The following ADAMTSL1 variants were observed in gnomAD, a reference collection of about 807,000 sequenced individuals.
The protein encoded by ADAMTSL1 is ADAMTS-like protein 1.
In ADAMTSL1, 126 loss-of-function variants were observed where a neutral mutation model predicts 201.8. The observed-to-expected ratio is 0.62, with a 90% CI of 0.54 to 0.72. ADAMTSL1 has a LOEUF of 0.72. Ranked by LOEUF, ADAMTSL1 falls within the 30% of genes least tolerant of loss-of-function variation. ADAMTSL1 has a pLI of 0.00. For synonymous variants in ADAMTSL1, 1,121 were observed against 903.4 expected, an observed-to-expected ratio of 1.24 and a Z score of -4.32; for missense variants, 2,679 against 2,277.8, an observed-to-expected ratio of 1.18 and a Z score of -3.59.
At chr9:17,935,608 G>T (rs1047222457) in intron 1 of ADAMTSL1, among the ~76,000 whole-genome samples, 3 of 152,070 alleles carry the variant, frequency 2.0e-5, no homozygotes, top group Admixed American at 2.0e-4. Flanking sequence ...TCATTGACAG[G>T]GAACTTAGTT....
intron 12 of ADAMTSL1, among the ~76,000 whole-genome samples, chr9:18,683,421 C>T (rs1454992590): frequency 2.0e-5 from 3 of 150,688 alleles, no homozygotes; most frequent in East Asian, 3.9e-4. Flanking sequence ...TTGGTAGAGA[C>T]GGGGTTTCAC....
intron 7 of ADAMTSL1, among the ~76,000 whole-genome samples, chr9:18,640,910 C>T (rs533410672): frequency 5.3e-5 from 8 of 152,164 alleles, no homozygotes; most frequent in South Asian, 4.1e-4. Context: ...CTTCAGAGTG[C>T]GTTTCCTAAA....
Position 18,468,227 on chromosome 9 carries a change from A to G in ADAMTSL1, c.208-36602A>G, listed in dbSNP as rs1291603883. Among the ~76,000 whole-genome samples, 28 of 152,212 alleles carry G rather than the reference A, an allele frequency of 1.8e-4. 1 individual carries two copies. Among genetic ancestry groups the G allele is most frequent in the Non-Finnish European group, 4.4e-5 (3 of 68,028 alleles). Reference sequence around the variant, plus strand: ...ATCTGTGCCATAACTTCAGCAATGTAGAAAAAAGAAGATCAAGGACCGCAG... The same window carrying G: ...ATCTGTGCCATAACTTCAGCAATGTGGAAAAAAGAAGATCAAGGACCGCAG... On this transcript the variant is annotated intron_variant, in intron 2 of 29. Coordinates refer to the ADAMTSL1 transcript ENST00000680146.
rs140782688 is a variant in ADAMTSL1, at chr9:18,449,740, A to G, written c.208-55089A>G. Among the ~76,000 whole-genome samples the G allele has an allele frequency of 1.4e-3, 214 of 152,350 alleles. 2 individuals are homozygous for G. The highest frequency in any genetic ancestry group is 4.8e-3 in the African/African-American group (199 of 41,586). On this transcript the variant is annotated intron_variant, in intron 2 of 29. Transcript: ENST00000680146. ...AGATCTAAACAGAAAATAGATACAGATGATAGATGCAGGTGTCAAATTAGC... is the reference window on the plus strand; with the variant it reads ...AGATCTAAACAGAAAATAGATACAGGTGATAGATGCAGGTGTCAAATTAGC...
chr9:18,090,903 C>G (rs1226159922), intron 1 of ADAMTSL1, among the ~76,000 whole-genome samples: 3 of 151,800 alleles, frequency 2.0e-5, no homozygotes, highest in Admixed American at 6.6e-5. Context: ...TCCTCATAAC[C>G]ACATGACCCT....
At chr9:17,964,653 T>C (rs1817906307) in intron 1 of ADAMTSL1, among the ~76,000 whole-genome samples, 1 of 152,156 alleles carries the variant, frequency 6.6e-6, no homozygotes. Flanking sequence ...TCAATGTTAA[T>C]ATCTTTGTTA....
rs1183594552 is a variant in ADAMTSL1 at position 18,721,606 on chromosome 9, G to T, written c.1947G>T (p.Val649=). Residue 649 remains valine (V), a synonymous_variant, in exon 15 of 29, where the codon GTG becomes GTT. Transcript: ENST00000380548. ...TREPAEENLC[V]TSRRPPQLLK... ...AGCCTGCTGAGGAGAACCTGTGCGTGACCAGCCGCCGGCCCCCACAGCTCC... is the reference window on the plus strand; with the variant it reads ...AGCCTGCTGAGGAGAACCTGTGCGTTACCAGCCGCCGGCCCCCACAGCTCC... The T allele has an allele frequency of 3.1e-5, 50 of 1,613,956 alleles. No homozygotes were observed. The highest frequency in any genetic ancestry group is 4.2e-5 in the Non-Finnish European group (50 of 1,179,878).
chr9:18,765,306 T>TG (rs1407586567), intron 16 of ADAMTSL1, among the ~76,000 whole-genome samples: 1 of 152,192 alleles, frequency 6.6e-6, no homozygotes, highest in Non-Finnish European at 1.5e-5. Flanking sequence ...ACAGAAACTT[T>TG]GGGAGCATGT....
intron 23 of ADAMTSL1, among the ~76,000 whole-genome samples, chr9:18,870,499 C>A (rs541987882): frequency 6.6e-6 from 1 of 152,142 alleles, no homozygotes; most frequent in Non-Finnish European, 1.5e-5. Flanking sequence ...GGTCTGCCTG[C>A]TAAAAATCTA....
upstream of ADAMTSL1, chr9:18,473,952 TG>T (rs1164871963): frequency 7.4e-6 from 3 of 406,424 alleles, no homozygotes; most frequent in Non-Finnish European, 1.3e-5. Context: ...CCCCCTTTTT[TG>T]CTCGCACCGT....
chr9:18,577,144 G>A (rs1398572630), intron 4 of ADAMTSL1, among the ~76,000 whole-genome samples: 1 of 152,052 alleles, frequency 6.6e-6, no homozygotes, highest in Non-Finnish European at 1.5e-5. Context: ...TTCTATCATG[G>A]CCAGATTCAC....
chr9:18,551,799 T>C (rs1462618729), intron 3 of ADAMTSL1, among the ~76,000 whole-genome samples: 2 of 151,838 alleles, frequency 1.3e-5, no homozygotes, highest in Non-Finnish European at 2.9e-5. Flanking sequence ...GCATTTACTT[T>C]TGTTGTTATT....
intron 1 of ADAMTSL1, among the ~76,000 whole-genome samples, chr9:17,907,461 G>C (rs796723556): frequency 1.3e-5 from 2 of 152,166 alleles, no homozygotes; most frequent in Non-Finnish European, 2.9e-5. Context: ...TGCGGACGCC[G>C]GACCAGGTGG....
chr9:18,663,927 C>G (rs1829269248), intron 9 of ADAMTSL1, among the ~76,000 whole-genome samples: 1 of 152,082 alleles, frequency 6.6e-6, no homozygotes, highest in Non-Finnish European at 1.5e-5. Flanking sequence ...TGAAAGAAGT[C>G]TGCCTGTGCA....
intron 1 of ADAMTSL1, among the ~76,000 whole-genome samples, chr9:18,081,491 A>C (rs1401010922): frequency 4.6e-5 from 7 of 152,202 alleles, no homozygotes; most frequent in Non-Finnish European, 7.3e-5. Context: ...AGTCCTATTA[A>C]ACATTTAACA....
At chr9:18,507,986 A>T (rs981701038) in intron 2 of ADAMTSL1, among the ~76,000 whole-genome samples, 2 of 152,088 alleles carry the variant, frequency 1.3e-5, no homozygotes, top group Non-Finnish European at 2.9e-5. Flanking sequence ...AGAGTTCAAG[A>T]CAAGCCTGGC....
At position 18,726,603 on chromosome 9, in the gene ADAMTSL1, T is replaced by TA. The variant is rs960531648; in HGVS notation, c.2006+4948dup. 4.7e-3 allele frequency among the ~76,000 whole-genome samples: 703 copies of TA among 148,462 alleles called. 10 individuals carry two copies. The highest frequency in any genetic ancestry group is 0.016 in the African/African-American group (652 of 40,628). ...AAGGAAAAGCAGAAAGTACTACCTT[T>TA]AAAAAAAAAAGTGTATGACTGTTAT... On this transcript the variant is annotated intron_variant, in intron 15 of 28. Coordinates refer to ENST00000380548, the MANE Select transcript of ADAMTSL1 (RefSeq NM_001040272.6).
chr9:18,461,104 G>A (rs1029795742), intron 2 of ADAMTSL1, among the ~76,000 whole-genome samples: 1 of 152,018 alleles, frequency 6.6e-6, no homozygotes, highest in African/African-American at 2.4e-5. Flanking sequence ...AGGGTATATT[G>A]CAAATCCAAG....
rs1344748790 is a variant in ADAMTSL1, at chr9:18,451,862, A to C, written c.208-52967A>C. On this transcript the variant is annotated intron_variant, in intron 2 of 29. Transcript: ENST00000680146. ...CAAGGGCCCTCATGTTGCATGGTGG[A>C]AGATGCAAAGGCAAGAGAGGATGAG... Among the ~76,000 whole-genome samples the C allele has an allele frequency of 2.6e-5, 4 of 152,220 alleles. No individual in the cohort carries two copies. The East Asian group carries it at 7.7e-4, about 29-fold the overall frequency.
Sources: allele counts gnomAD v4.1 joint callset (sites outside exome capture counted in the v4.1 genomes callset), GRCh38; gene constraint gnomAD v4.1.1; transcripts MANE v1.5; gene names NCBI Gene and HGNC (gene_info 2026-07-23, HGNC 2026-07-21).